MND1: variants seen among roughly 807,000 people sequenced by gnomAD.
MND1 encodes meiotic nuclear division protein 1 homolog.
Under a neutral mutation model 35.1 loss-of-function variants are expected in MND1, and 28 were observed. That is an observed-to-expected ratio of 0.80 (90% CI 0.59 to 1.09). MND1 has a LOEUF of 1.09. MND1 is among the 50% of genes least tolerant of loss of function. MND1 has a pLI of 0.00. For synonymous variants in MND1, 69 were observed against 70.5 expected, an observed-to-expected ratio of 0.98 and a Z score of 0.11; for missense variants, 213 against 239.6, an observed-to-expected ratio of 0.89 and a Z score of 0.73.
chr4:153,358,587 G>A lies in MND1; in HGVS notation c.241G>A (p.Ala81Thr). The change falls in exon 4 of 8, where the codon GCA becomes ACA. Residue 81 changes from alanine (A) to threonine (T), a missense_variant. By Grantham distance (58) the Ala-to-Thr change is moderately conservative. Coordinates refer to ENST00000240488, the MANE Select transcript of MND1 (RefSeq NM_032117.4). ...GGCTTTTCCAAGTAAAGCTCTTCAT[G>A]CAAGGAAACATAAGTTGGAGGTTCT... is the stretch of plus-strand genomic sequence containing the variant. ...YWAFPSKALH[A>T]RKHKLEVLES... The A allele has an allele frequency of 6.2e-7, 1 of 1,613,224 alleles. No individual in the cohort carries two copies. The highest frequency in any genetic ancestry group is 2.2e-5 in the East Asian group (1 of 44,784).
chr4:153,374,598 T>C (rs1442938351), intron 4 of MND1, among the ~76,000 whole-genome samples: 2 of 152,266 alleles, frequency 1.3e-5, no homozygotes, highest in Non-Finnish European at 2.9e-5. Flanking sequence ...CTTGAGTTTC[T>C]TGTTAATTAC....
chr4:153,345,317 C>G lies in MND1; in HGVS notation c.3+577C>G, dbSNP rs990774913. The G allele has an allele frequency of 1.3e-5, 13 of 985,070 alleles. No homozygotes were observed. In the African/African-American group the frequency reaches 2.3e-4, roughly 17 times the overall value. The allele number at this position is 985,070 out of a possible 1,614,324, so 61.0% of individuals were successfully genotyped here. A position where few individuals can be genotyped will look rare whatever the true frequency, so the allele number is the denominator to read the frequency against. The stretch of plus-strand genomic sequence containing the variant: ...AGCACATTCCAGAACTGCTCAGTTT[C>G]GAGTTACCTAATGGATCTTCACTGT... On this transcript the variant is annotated intron_variant, in intron 1 of 7. Transcript: ENST00000240488.
intron 4 of MND1, among the ~76,000 whole-genome samples, chr4:153,378,741 A>G (rs1222763184): frequency 6.6e-6 from 1 of 152,224 alleles, no homozygotes; most frequent in African/African-American, 2.4e-5. Flanking sequence ...CAACATGTGC[A>G]AAGTGCTGTT....
At chr4:153,348,447 G>A (rs1269270527) in intron 1 of MND1, among the ~76,000 whole-genome samples, 1 of 152,150 alleles carries the variant, frequency 6.6e-6, no homozygotes, top group African/African-American at 2.4e-5. Context: ...CTCAGCATAA[G>A]TGTTAATTAA....
chr4:153,404,543 C>T (rs373549152), intron 6 of MND1, among the ~76,000 whole-genome samples: 47 of 150,686 alleles, frequency 3.1e-4, no homozygotes, highest in African/African-American at 1.1e-3. Context: ...GGTGCGATCT[C>T]GGCTCACTAC....
chr4:153,388,836 T>C (rs948389207), intron 4 of MND1, among the ~76,000 whole-genome samples: 1 of 152,156 alleles, frequency 6.6e-6, no homozygotes, highest in Non-Finnish European at 1.5e-5. Flanking sequence ...AGAACAAGAA[T>C]ATACTGACAG....
At position 153,412,669 on chromosome 4, in the gene MND1, A is replaced by G. The variant is rs183632546; in HGVS notation, c.512-2082A>G. On this transcript the variant is annotated intron_variant, in intron 7 of 7. Transcript: ENST00000240488. ...GGCTAATTTTTTTTGTATTTTTAGT[A>G]GAGACGGGGTTTCACCATGTTGGCC... Among the ~76,000 whole-genome samples, 6 of 149,418 alleles carry G rather than the reference A, an allele frequency of 4.0e-5. No homozygotes were observed. The East Asian group carries it at 1.0e-3, about 25-fold the overall frequency.
chr4:153,412,484 CTT>C (rs59668809), intron 7 of MND1, among the ~76,000 whole-genome samples: 35 of 138,446 alleles, frequency 2.5e-4, no homozygotes, highest in Admixed American at 2.9e-4. Context: ...TCCAAATTTC[CTT>C]TTTTTTTTTT....
At chr4:153,385,194 T>C (rs1728818963) in intron 4 of MND1, among the ~76,000 whole-genome samples, 1 of 152,248 alleles carries the variant, frequency 6.6e-6, no homozygotes, top group African/African-American at 2.4e-5. Context: ...CCACTCTTAT[T>C]CTTGGACACT....
intron 4 of MND1, among the ~76,000 whole-genome samples, chr4:153,391,165 T>A (rs1393329630): frequency 6.6e-6 from 1 of 152,034 alleles, no homozygotes; most frequent in Non-Finnish European, 1.5e-5. Context: ...CTTCTTTTTT[T>A]AAATTTTTTT....
chr4:153,380,010 G>A (rs1203609197), intron 4 of MND1, among the ~76,000 whole-genome samples: 1 of 152,012 alleles, frequency 6.6e-6, no homozygotes, highest in African/African-American at 2.4e-5. Flanking sequence ...AACAAAGCAC[G>A]ACCCTATCCC....
intron 2 of MND1, among the ~76,000 whole-genome samples, chr4:153,352,348 C>T (rs1773236211): frequency 6.6e-6 from 1 of 152,032 alleles, no homozygotes; most frequent in African/African-American, 2.4e-5. Context: ...AATTATTTGC[C>T]CGTTGCACTT....
intron 7 of MND1, among the ~76,000 whole-genome samples, chr4:153,409,503 A>G (rs1729622112): frequency 6.6e-6 from 1 of 152,214 alleles, no homozygotes; most frequent in East Asian, 1.9e-4. Context: ...AATTTAGGAG[A>G]CAAAACTAAG....
chr4:153,390,045 T>A (rs909455247), intron 4 of MND1, among the ~76,000 whole-genome samples: 15 of 148,216 alleles, frequency 1.0e-4, no homozygotes, highest in South Asian at 2.1e-4. Flanking sequence ...TTTTTTTTTT[T>A]ATATGCTAAA....
At chr4:153,365,790 C>T (rs945676625) in intron 4 of MND1, among the ~76,000 whole-genome samples, 2 of 152,054 alleles carry the variant, frequency 1.3e-5, no homozygotes, top group African/African-American at 2.4e-5. Flanking sequence ...TAAACCAAAG[C>T]AGTGGCAGTG....
At chr4:153,394,645 C>T (rs1729149747) in intron 5 of MND1, among the ~76,000 whole-genome samples, 1 of 152,016 alleles carries the variant, frequency 6.6e-6, no homozygotes, top group African/African-American at 2.4e-5. Context: ...TACTTCATTG[C>T]GTTATTGTGT....
At chr4:153,367,990 A>G (rs989757730) in intron 4 of MND1, among the ~76,000 whole-genome samples, 2 of 152,088 alleles carry the variant, frequency 1.3e-5, no homozygotes, top group Admixed American at 6.5e-5. Context: ...CCTTGAATAA[A>G]TTTTTATTAT....
chr4:153,350,966 AAAAC>A lies in MND1; in HGVS notation c.69+845_69+848del, dbSNP rs1398300250. ...AGATTCTTAGTAAAAAAAAAAAAAA[AAAAC>A]AAACAAAATACACGGGATTTGCCCA... is the stretch of plus-strand genomic sequence containing the variant. On this transcript the variant is annotated intron_variant, in intron 2 of 7. Coordinates refer to ENST00000240488, the MANE Select transcript of MND1 (RefSeq NM_032117.4). Among the ~76,000 whole-genome samples, 8 of 151,592 alleles carry A rather than the reference AAAAC, an allele frequency of 5.3e-5. No individual in the cohort carries two copies. The East Asian group carries it at 5.8e-4, about 11-fold the overall frequency.
rs757236550 is a variant in MND1, at chr4:153,390,889, A to ATATATGTGTGTGTG, written c.277-3372_277-3371insATATGTGTGTGTGT. Among the ~76,000 whole-genome samples, 10 of 139,858 alleles carry ATATATGTGTGTGTG rather than the reference A, an allele frequency of 7.2e-5. No individual in the cohort carries two copies. In the East Asian group the frequency reaches 1.3e-3, roughly 19 times the overall value. 91.8% of individuals were successfully genotyped at this position (139,858 alleles called of 152,430 possible). A position where few individuals can be genotyped will look rare whatever the true frequency, so the allele number is the denominator to read the frequency against. On this transcript the variant is annotated intron_variant, in intron 4 of 7. Coordinates refer to ENST00000240488, the MANE Select transcript of MND1 (RefSeq NM_032117.4). ...CCGTCTCAAAAAAAAAGGTATATAT[A>ATATATGTGTGTGTG]TGTGTGTGTGTGTGTGTGTGTGTGT...
Sources: gnomAD v4.1 joint callset for allele counts (sites outside exome capture counted in the v4.1 genomes callset) on GRCh38, gnomAD v4.1.1 for gene constraint, MANE v1.5 for transcripts, NCBI Gene and HGNC (gene_info 2026-07-23, HGNC 2026-07-21) for gene names.